The following DRC4 variants were observed in gnomAD, a reference collection of about 807,000 sequenced individuals.
The protein encoded by DRC4 is GAS-11.
the DRC4 span, chr16:90,035,666 G>A: frequency 1.9e-6 from 3 of 1,614,214 alleles, no homozygotes; most frequent in Non-Finnish European, 2.5e-6. Context: ...GATGCGGAAT[G>A]ATTTTGAGAG....
the DRC4 span, chr16:90,042,907 G>T: frequency 1.9e-6 from 1 of 514,014 alleles, no homozygotes; most frequent in Non-Finnish European, 3.5e-6. Context: ...CACCCAGCCA[G>T]GGCCCAGAGC....
chr16:90,028,581 T>C, the DRC4 span, among the ~76,000 whole-genome samples: 2 of 152,182 alleles, frequency 1.3e-5, no homozygotes, highest in African/African-American at 4.8e-5. Context: ...GAGGTGATGT[T>C]TTTATAGTTT....
chr16:90,025,257 G>A, the DRC4 span, among the ~76,000 whole-genome samples: 2 of 150,668 alleles, frequency 1.3e-5, no homozygotes. Flanking sequence ...GACCTCAAGT[G>A]ATCCGCCCGC....
chr16:90,028,439 C>T, the DRC4 span, among the ~76,000 whole-genome samples: 4 of 152,172 alleles, frequency 2.6e-5, no homozygotes, highest in South Asian at 2.1e-4. Context: ...CCACTCGCCT[C>T]GGCCTCCCAA....
At chr16:90,024,126 ACACACACACACACT>A in the DRC4 span, among the ~76,000 whole-genome samples, 1 of 148,812 alleles carries the variant, frequency 6.7e-6, no homozygotes, top group South Asian at 2.1e-4. Flanking sequence ...CTAAAAATAC[ACACACACACACACT>A]CACACACACA....
the DRC4 span, among the ~76,000 whole-genome samples, chr16:90,026,642 T>C: frequency 6.6e-6 from 1 of 151,982 alleles, no homozygotes; most frequent in Admixed American, 6.6e-5. Flanking sequence ...AGCAGAGGTC[T>C]TTACTTTTTA....
chr16:90,019,999 C>G, the DRC4 span: 2 of 700,000 alleles, frequency 2.9e-6, no homozygotes, highest in Admixed American at 4.0e-5. This position sits in a 1 kb window ranked among gnomAD's most constrained non-coding sequence, Gnocchi z 6.1. Flanking sequence ...CAGAGAGCGC[C>G]AAGGCAGTTT....
chr16:90,042,554 C>G, the DRC4 span: 2 of 1,607,630 alleles, frequency 1.2e-6, no homozygotes, highest in Non-Finnish European at 1.7e-6. Context: ...GTGCCCTGCC[C>G]TCCCTCAGGG....
chr16:90,030,539 G>C, the DRC4 span, among the ~76,000 whole-genome samples: 2 of 149,194 alleles, frequency 1.3e-5, no homozygotes, highest in African/African-American at 5.0e-5. Context: ...GTAGAGACAG[G>C]GTTTTGCCAT....
the DRC4 span, chr16:90,042,377 G>C: frequency 1.0e-6 from 1 of 979,370 alleles, no homozygotes; most frequent in Admixed American, 1.7e-5. Context: ...CTATTCGCTG[G>C]ATCTCTCAGA....
chr16:90,024,799 C>T, the DRC4 span, among the ~76,000 whole-genome samples: 2 of 151,622 alleles, frequency 1.3e-5, no homozygotes. Context: ...GAGCAAGACT[C>T]CATCTCAAAA....
the DRC4 span, among the ~76,000 whole-genome samples, chr16:90,038,138 G>C: frequency 3.3e-5 from 5 of 152,234 alleles, no homozygotes; most frequent in Admixed American, 1.3e-4. Flanking sequence ...CTGGGGTCTT[G>C]ATGGGGAACG....
the DRC4 span, among the ~76,000 whole-genome samples, chr16:90,027,033 C>T: frequency 6.6e-6 from 1 of 152,044 alleles, no homozygotes; most frequent in South Asian, 2.1e-4. Context: ...CTGCCTCAGC[C>T]TCCCGAGTAA....
the DRC4 span, chr16:90,043,460 C>G: frequency 1.9e-6 from 2 of 1,063,324 alleles, no homozygotes; most frequent in Non-Finnish European, 2.7e-6. Flanking sequence ...CAAATGAAAG[C>G]TTTTCACATG....
chr16:90,035,571 T>G, the DRC4 span: 1 of 1,608,710 alleles, frequency 6.2e-7, no homozygotes, highest in South Asian at 1.1e-5. Context: ...AGGGTCAGCC[T>G]GAAGGGAGCG....
At chr16:90,043,716 G>A in the DRC4 span, 1 of 488,294 alleles carries the variant, frequency 2.0e-6, no homozygotes, top group South Asian at 1.5e-5. Flanking sequence ...CGAATGGACA[G>A]CTTTGCAGGT....
At chr16:90,040,290 G>A in the DRC4 span, 1 of 1,569,286 alleles carries the variant, frequency 6.4e-7, no homozygotes, top group Non-Finnish European at 8.6e-7. Flanking sequence ...CCCCAGCGCT[G>A]TCCCTACAGG....
the DRC4 span, chr16:90,040,562 A>G: frequency 1.4e-6 from 2 of 1,450,080 alleles, no homozygotes; most frequent in Non-Finnish European, 1.9e-6. Flanking sequence ...CCCTGTGGCA[A>G]GAGTCTTCAG....
the DRC4 span, chr16:90,031,337 C>G: frequency 6.2e-7 from 1 of 1,613,436 alleles, no homozygotes; most frequent in Non-Finnish European, 8.5e-7. Flanking sequence ...AGGAGCTGGA[C>G]CGCGAGCGGG....
Sources: gnomAD v4.1 joint callset for allele counts (sites outside exome capture counted in the v4.1 genomes callset) on GRCh38, gnomAD v4.1.1 for gene constraint, Gnocchi (gnomAD v3.1) non-coding constraint, MANE v1.5 for transcripts, NCBI Gene and HGNC (gene_info 2026-07-23, HGNC 2026-07-21) for gene names.